The following ZCCHC2 variants were observed in gnomAD, a reference collection of about 807,000 sequenced individuals.
The protein encoded by ZCCHC2 is zinc finger CCHC-type containing 2, also known as zinc finger CCHC domain-containing protein 2.
In ZCCHC2, 39 loss-of-function variants were observed where a neutral mutation model predicts 103.6. That is an observed-to-expected ratio of 0.38 (90% CI 0.29 to 0.49). The LOEUF (loss-of-function observed/expected upper bound fraction) is 0.49, where lower values mean the gene tolerates loss of function less well. Ranked by LOEUF, ZCCHC2 falls within the 20% of genes least tolerant of loss-of-function variation. The pLI is 0.96. For synonymous variants in ZCCHC2, 687 were observed against 608.9 expected, an observed-to-expected ratio of 1.13 and a Z score of -1.89; for missense variants, 1,483 against 1,491.0, an observed-to-expected ratio of 0.99 and a Z score of 0.09.
chr18:62,528,598 G>GT, intron 1 of ZCCHC2, among the ~76,000 whole-genome samples: 1 of 85,246 alleles, frequency 1.2e-5, no homozygotes, highest in African/African-American at 4.3e-5. Flanking sequence ...GACTGTCTCG[G>GT]GAAAAAAAAA....
chr18:62,563,836 A>G (rs1244019259), intron 9 of ZCCHC2, among the ~76,000 whole-genome samples: 1 of 152,186 alleles, frequency 6.6e-6, no homozygotes, highest in African/African-American at 2.4e-5. Flanking sequence ...CTTCATGAAT[A>G]TTTGGGTCAG....
At chr18:62,532,261 C>T (rs1415400518) in intron 1 of ZCCHC2, among the ~76,000 whole-genome samples, 2 of 152,130 alleles carry the variant, frequency 1.3e-5, no homozygotes, top group Admixed American at 1.3e-4. Flanking sequence ...TGAATGGTAC[C>T]ATTATGTTTC....
intron 14 of ZCCHC2, among the ~76,000 whole-genome samples, chr18:62,583,815 A>G (rs996779620): frequency 6.6e-6 from 1 of 151,916 alleles, no homozygotes; most frequent in African/African-American, 2.4e-5. Context: ...TCTTTAGGGG[A>G]GGAGACCAGC....
chr18:62,579,222 C>CT (rs1250002426), downstream of ZCCHC2, among the ~76,000 whole-genome samples: 1 of 152,218 alleles, frequency 6.6e-6, no homozygotes, highest in Non-Finnish European at 1.5e-5. Context: ...CAGTTTAGGC[C>CT]TTTAGCCACT....
At chr18:62,531,811 A>G (rs1395365526) in intron 1 of ZCCHC2, among the ~76,000 whole-genome samples, 1 of 151,712 alleles carries the variant, frequency 6.6e-6, no homozygotes, top group African/African-American at 2.4e-5. Context: ...AAAAAAAAAA[A>G]AAATGTTAGC....
chr18:62,544,813 T>A lies in ZCCHC2; in HGVS notation c.1140T>A (p.Ser380=). 6.5e-7 allele frequency: 1 copy of A among 1,547,842 alleles called. No homozygotes were observed. The highest frequency in any genetic ancestry group is 8.7e-7 in the Non-Finnish European group (1 of 1,147,740). ...TTTTTTTAAATCAGGTAAATTGGTC[T>A]GATCTTTCAGTCACAACAGTAACAA... ...YWEYTFKVNW[S]DLSVTTVTKT... is the part of the protein sequence containing the mutation. The change falls in exon 4 of 14, where the codon TCT becomes TCA. Residue 380 remains serine, a synonymous_variant. Transcript: ENST00000269499.
chr18:62,545,174 C>A (rs1289653697), intron 4 of ZCCHC2, among the ~76,000 whole-genome samples: 1 of 151,798 alleles, frequency 6.6e-6, no homozygotes, highest in Admixed American at 6.6e-5. Flanking sequence ...TCATGTGAGG[C>A]AGGATTTCCA....
intron 10 of ZCCHC2, 46 bp downstream of exon 10, chr18:62,564,681 G>T: frequency 1.5e-6 from 2 of 1,371,652 alleles, no homozygotes; most frequent in Non-Finnish European, 2.0e-6. Flanking sequence ...TTGATAATAG[G>T]CCTGTTTAGT....
chr18:62,562,690 T>C (rs1344521177), intron 8 of ZCCHC2, among the ~76,000 whole-genome samples: 1 of 152,240 alleles, frequency 6.6e-6, no homozygotes, highest in Non-Finnish European at 1.5e-5. Flanking sequence ...TAAGTGCTCA[T>C]GACAGCAGTG....
chr18:62,563,235 G>A, intron 9 of ZCCHC2, 91 bp downstream of exon 9: 3 of 1,424,064 alleles, frequency 2.1e-6, no homozygotes, highest in Non-Finnish European at 1.9e-6. Flanking sequence ...CAGTCAGACA[G>A]TATATCTGGT....
chr18:62,525,216 T>C (rs1364877612), intron 1 of ZCCHC2: 1 of 152,180 alleles, frequency 6.6e-6, no homozygotes, highest in Non-Finnish European at 1.5e-5. Context: ...CAAAATGTAG[T>C]AGACGAGAAT....
chr18:62,544,712 G>A (rs1915339206), intron 3 of ZCCHC2, 90 bp from the exon 4 acceptor site: 1 of 1,012,820 alleles, frequency 9.9e-7, no homozygotes. Flanking sequence ...TAAAATTTAA[G>A]TAAGGCCCTT....
At chr18:62,531,581 G>T (rs552072794) in intron 1 of ZCCHC2, among the ~76,000 whole-genome samples, 80 of 148,126 alleles carry the variant, frequency 5.4e-4, no homozygotes, top group Admixed American at 1.8e-3. Flanking sequence ...AAAATGCTTG[G>T]TAAACAAGAA....
intron 7 of ZCCHC2, among the ~76,000 whole-genome samples, chr18:62,559,998 T>C (rs779096023): frequency 6.6e-6 from 1 of 152,230 alleles, no homozygotes; most frequent in Non-Finnish European, 1.5e-5. Context: ...TACATGCAAA[T>C]ACTGAAGGAC....
rs746941521 is a variant in ZCCHC2, at chr18:62,574,067, C to T, written c.1986C>T (p.Ser662=). The change falls in exon 13 of 14, where the codon AGC becomes AGT. Residue 662 remains serine, a synonymous_variant. Transcript: ENST00000269499. ...GTTTGTTTTCTTTAGACACAGACAGCAATTCTGAGGATTCTGGGAATCCAT... is the reference window on the plus strand; with the variant it reads ...GTTTGTTTTCTTTAGACACAGACAGTAATTCTGAGGATTCTGGGAATCCAT... ...SEEEKDRDTD[S]NSEDSGNPST... 3 of 1,612,474 alleles carry T rather than the reference C, an allele frequency of 1.9e-6. No individual in the cohort carries two copies. The South Asian group carries it at 3.3e-5, about 18-fold the overall frequency.
In ZCCHC2 at chr18:62,539,787, G is replaced by A. The variant is rs1429831842; in HGVS notation, c.1046G>A (p.Arg349Gln). ...GLTVAPHRAQ[R>Q]EAVHIEKIML... ...ACCGTGGCACCTCACAGAGCTCAGC[G>A]AGAAGGTATGCTCTCTTTTTTGTAA... The change falls in exon 2 of 14, where the codon CGA (arginine) becomes CAA (glutamine). Residue 349 changes from arginine (R) to glutamine (Q), a missense_variant. Arg to Gln is a conservative substitution (Grantham distance 43). Around this residue, in one of 3 missense-constraint regions of ZCCHC2, gnomAD observed 568 missense variants for 525.1 expected, o/e 1.08. Transcript: ENST00000269499. 6 of 1,603,682 alleles carry A rather than the reference G, an allele frequency of 3.7e-6. No homozygotes were observed. The East Asian group carries it at 9.0e-5, about 24-fold the overall frequency.
chr18:62,579,805 C>A (rs1916991942), downstream of ZCCHC2, among the ~76,000 whole-genome samples: 1 of 152,130 alleles, frequency 6.6e-6, no homozygotes, highest in Non-Finnish European at 1.5e-5. Context: ...TCACTGGAAC[C>A]TCCACCTCCC....
In ZCCHC2 at chr18:62,574,285, T is replaced by G. The variant is rs1188199300; in HGVS notation, c.2204T>G (p.Val735Gly). The change falls in exon 13 of 14, where the codon GTT becomes GGT. Residue 735 changes from valine to glycine, a missense_variant. By Grantham distance (109) the Val-to-Gly change is moderately radical. This residue lies in a region of ZCCHC2 where 884 missense variants were observed against 907.5 expected (regional missense o/e 0.97). Transcript: ENST00000269499. The stretch of plus-strand genomic sequence containing the variant: ...CACAATGGTGCCCAGAAGTCTGAAG[T>G]TGTCGTTCCTGCACCCAAACCCGCT... The part of the protein sequence containing the change: ...VMHNGAQKSE[V>G]VVPAPKPADG... The G allele has an allele frequency of 6.2e-7, 1 of 1,613,936 alleles. No individual in the cohort carries two copies. The highest frequency in any genetic ancestry group is 8.5e-7 in the Non-Finnish European group (1 of 1,179,908).
intron 8 of ZCCHC2, 88 bp downstream of exon 8, chr18:62,560,732 A>G (rs1269078419): frequency 2.3e-5 from 24 of 1,056,614 alleles, no homozygotes; most frequent in Non-Finnish European, 6.9e-6. Flanking sequence ...GTATTTGGCT[A>G]TAATTCTGTC....
Sources: gnomAD v4.1 joint callset for allele counts (sites outside exome capture counted in the v4.1 genomes callset) on GRCh38, gnomAD v4.1.1 for gene constraint, gnomAD v4.1.1 regional missense constraint, MANE v1.5 for transcripts, NCBI Gene and HGNC (gene_info 2026-07-23, HGNC 2026-07-21) for gene names.